Variants in HLCS observed in about 807,000 individuals in gnomAD.
HLCS encodes biotin--protein ligase.
Under a neutral mutation model 75.0 loss-of-function variants are expected in HLCS, and 53 were observed. That is an observed-to-expected ratio of 0.71 (90% confidence interval 0.57 to 0.89). The LOEUF (loss-of-function observed/expected upper bound fraction) is 0.89, where lower values mean the gene tolerates loss of function less well. Ranked by LOEUF, HLCS falls within the 40% of genes least tolerant of loss-of-function variation. The pLI, the probability that HLCS is intolerant of heterozygous loss-of-function variation, is 0.00. For synonymous variants in HLCS, 431 were observed against 428.6 expected, an observed-to-expected ratio of 1.01 and a Z score of -0.07; for missense variants, 966 against 1,074.0, an observed-to-expected ratio of 0.90 and a Z score of 1.41.
chr21:36,759,087 C>G, intron 9 of HLCS: 2 of 470,876 alleles, frequency 4.2e-6, no homozygotes, highest in Admixed American at 4.7e-5. Context: ...GCCTTGTATT[C>G]CCTGGCTGGC....
intron 5 of HLCS, among the ~76,000 whole-genome samples, chr21:36,927,859 A>G (rs1273135467): frequency 6.6e-6 from 1 of 152,256 alleles, no homozygotes; most frequent in East Asian, 1.9e-4. Context: ...TGCAGGGCAC[A>G]GGAAGCAGAA....
At position 36,818,782 on chromosome 21, in the gene HLCS, T is replaced by G. The variant is rs531491078; in HGVS notation, c.1893-51497A>C. On this transcript the variant is annotated intron_variant, in intron 6 of 10. Coordinates refer to ENST00000674895, the MANE Select transcript of HLCS (RefSeq NM_001352514.2). ...TGCTTGTACTCAATTAAGAGATAAT[T>G]TAGCCATTTATCAAGATGGAGTCGG... Among the ~76,000 whole-genome samples the G allele has an allele frequency of 1.1e-4, 17 of 152,298 alleles. 1 individual carries two copies. The South Asian group carries it at 3.3e-3, about 30-fold the overall frequency.
At chr21:36,947,428 C>A in intron 2 of HLCS, 1 of 985,378 alleles carries the variant, frequency 1.0e-6, no homozygotes, top group Non-Finnish European at 1.2e-6. Flanking sequence ...AAAGCAGAAC[C>A]GCGCTGTCAC....
Position 36,756,697 on chromosome 21 carries a change from T to C in HLCS, c.2295A>G (p.Thr765=), listed in dbSNP as rs771100802. 2.5e-6 allele frequency: 4 copies of C among 1,614,096 alleles called. No homozygotes were observed. Among genetic ancestry groups the C allele is most frequent in the East Asian group, 4.5e-5 (2 of 44,894 alleles). ...CTGCCTTGTGTTGTTTATTGTATTC[T>C]GTGATGAGGTCGTTGATGCAGATGG... is the stretch of plus-strand genomic sequence containing the variant. ...NPTICINDLI[T]EYNKQHKAEL... Residue 765 remains threonine, a synonymous_variant, in exon 10 of 11, where the codon ACA becomes ACG. Transcript: ENST00000674895.
rs542656599 is a variant in HLCS, at chr21:36,922,857, C to T, written c.1620+7394G>A. Among the ~76,000 whole-genome samples, 12 of 152,344 alleles carry T rather than the reference C, an allele frequency of 7.9e-5. No homozygotes were observed. The East Asian group carries it at 1.5e-3, about 20-fold the overall frequency. ...AAGACAGTCAGTGCAAATCTCCAGGCGGCATTCTCAAATCATTAGCATGCA... is the reference window on the plus strand; with the variant it reads ...AAGACAGTCAGTGCAAATCTCCAGGTGGCATTCTCAAATCATTAGCATGCA... On this transcript the variant is annotated intron_variant, in intron 5 of 10. Coordinates refer to ENST00000674895, the MANE Select transcript of HLCS (RefSeq NM_001352514.2).
intron 6 of HLCS, among the ~76,000 whole-genome samples, chr21:36,892,749 G>A (rs1396846814): frequency 6.6e-6 from 1 of 152,198 alleles, no homozygotes; most frequent in Non-Finnish European, 1.5e-5. Flanking sequence ...GTTCCATGAT[G>A]GGGAATGGTA....
intron 6 of HLCS, among the ~76,000 whole-genome samples, chr21:36,841,422 A>C (rs2062610297): frequency 6.6e-6 from 1 of 152,232 alleles, no homozygotes; most frequent in African/African-American, 2.4e-5. Flanking sequence ...TCTAAGAGTA[A>C]AATGCTATGG....
At chr21:36,921,475 CTTTAAT>C (rs1029266450) in intron 5 of HLCS, among the ~76,000 whole-genome samples, 49 of 152,298 alleles carry the variant, frequency 3.2e-4, no homozygotes, top group African/African-American at 1.1e-3. Flanking sequence ...TCACTTTCAA[CTTTAAT>C]TTTAATTTTC....
chr21:36,875,287 G>A (rs1009548805), intron 6 of HLCS, among the ~76,000 whole-genome samples: 3 of 152,136 alleles, frequency 2.0e-5, no homozygotes, highest in Admixed American at 6.5e-5. Context: ...TGAGGTCCAC[G>A]GCCTGGAGTG....
chr21:36,888,448 ATATATATATATATATATAT>A (rs2064604076), intron 6 of HLCS, among the ~76,000 whole-genome samples: 734 of 26,446 alleles, frequency 0.028, 51 homozygotes, highest in East Asian at 0.064. Flanking sequence ...AAAAAAAAAT[ATATATATATATATATATAT>A]ATATATATAT....
chr21:36,807,624 A>G (rs1237866662), intron 6 of HLCS, among the ~76,000 whole-genome samples: 2 of 152,142 alleles, frequency 1.3e-5, no homozygotes, highest in African/African-American at 4.8e-5. Flanking sequence ...TCCTCACAAT[A>G]ATAACCGCTA....
intron 6 of HLCS, among the ~76,000 whole-genome samples, chr21:36,805,619 G>C (rs1267428848): frequency 6.6e-6 from 1 of 152,174 alleles, no homozygotes; most frequent in African/African-American, 2.4e-5. Flanking sequence ...GTCCTCCCGA[G>C]TCCTCCCAAG....
intron 6 of HLCS, among the ~76,000 whole-genome samples, chr21:36,877,961 C>A (rs2064048966): frequency 6.6e-6 from 1 of 152,018 alleles, no homozygotes; most frequent in South Asian, 2.1e-4. Context: ...AATCATTGTT[C>A]CTCACTGCAT....
At chr21:36,897,895 C>T (rs2065077863) in intron 5 of HLCS, among the ~76,000 whole-genome samples, 1 of 152,114 alleles carries the variant, frequency 6.6e-6, no homozygotes, top group African/African-American at 2.4e-5. Context: ...TTATCAGGAA[C>T]TGAGGGCTGA....
At chr21:36,930,532 A>T in intron 4 of HLCS, 99 bp from the exon 5 acceptor site, 1 of 1,025,610 alleles carries the variant, frequency 9.8e-7, no homozygotes. Flanking sequence ...AAATTTAGAG[A>T]CAGGATCTCA....
At chr21:36,850,877 C>T (rs754339338) in intron 6 of HLCS, among the ~76,000 whole-genome samples, 1 of 152,168 alleles carries the variant, frequency 6.6e-6, no homozygotes, top group African/African-American at 2.4e-5. Flanking sequence ...TCGGGGTCTA[C>T]AAGCCAGCCA....
chr21:36,850,453 C>T lies in HLCS; in HGVS notation c.1892+46407G>A, dbSNP rs939040123. Among the ~76,000 whole-genome samples the T allele has an allele frequency of 2.0e-5, 3 of 152,148 alleles. 1 individual carries two copies. Among genetic ancestry groups the T allele is most frequent in the South Asian group, 2.1e-4 (1 of 4,828 alleles). On this transcript the variant is annotated intron_variant, in intron 6 of 10. Coordinates refer to ENST00000674895, the MANE Select transcript of HLCS (RefSeq NM_001352514.2). ...ACCTGGTCAGGGAGTCTGAGAAAATCGGAGAGACTGCTCTCTATCCTGCAC... is the reference window on the plus strand; with the variant it reads ...ACCTGGTCAGGGAGTCTGAGAAAATTGGAGAGACTGCTCTCTATCCTGCAC...
At chr21:36,865,912 A>C (rs2063538136) in intron 6 of HLCS, among the ~76,000 whole-genome samples, 1 of 152,222 alleles carries the variant, frequency 6.6e-6, no homozygotes, top group Non-Finnish European at 1.5e-5. Flanking sequence ...CTGAGCTTGT[A>C]AAAGCTCAAG....
chr21:36,900,711 C>A (rs1244107283), intron 5 of HLCS, among the ~76,000 whole-genome samples: 2 of 152,114 alleles, frequency 1.3e-5, no homozygotes, highest in African/African-American at 4.8e-5. Flanking sequence ...GAGACTACTG[C>A]CTGGACCAGC....
Sources: allele counts gnomAD v4.1 joint callset (sites outside exome capture counted in the v4.1 genomes callset), GRCh38; gene constraint gnomAD v4.1.1; transcripts MANE v1.5; gene names NCBI Gene and HGNC (gene_info 2026-07-23, HGNC 2026-07-21).